Variants in KSR2 observed in about 807,000 individuals in gnomAD.
KSR2 encodes kinase suppressor of ras 2.
In KSR2, 25 loss-of-function variants were observed where a neutral mutation model predicts 107.8. That is an observed-to-expected ratio of 0.23 (90% CI 0.17 to 0.32). The LOEUF (loss-of-function observed/expected upper bound fraction) is 0.32. Among genes scored for constraint, KSR2 ranks in the 10% least tolerant of loss-of-function variants. The pLI, the probability that KSR2 is intolerant of heterozygous loss-of-function variation, is 1.00. For missense variants in KSR2, 887 were observed against 1,268.9 expected, an observed-to-expected ratio of 0.70 and a Z score of 4.57; for synonymous variants, 480 against 507.0, an observed-to-expected ratio of 0.95 and a Z score of 0.71.
intron 5 of KSR2, among the ~76,000 whole-genome samples, chr12:117,586,041 G>A (rs913919752): frequency 4.6e-5 from 7 of 152,180 alleles, no homozygotes; most frequent in African/African-American, 9.7e-5. Context: ...CAGGAACCCT[G>A]GTCTTTGGAA....
chr12:117,763,984 G>A (rs1889138031), intron 3 of KSR2, among the ~76,000 whole-genome samples: 1 of 152,094 alleles, frequency 6.6e-6, no homozygotes, highest in South Asian at 2.1e-4. Flanking sequence ...ATTCCTAGCT[G>A]ACTAGCAATA....
At chr12:117,543,376 T>G (rs915177599) in intron 9 of KSR2, among the ~76,000 whole-genome samples, 14 of 152,218 alleles carry the variant, frequency 9.2e-5, no homozygotes, top group African/African-American at 2.9e-4. Context: ...GGCTAAGATA[T>G]TCAACATCTT....
In KSR2 at chr12:117,925,303, T is replaced by C. The variant is rs187432879; in HGVS notation, c.180+42773A>G. Among the ~76,000 whole-genome samples the C allele has an allele frequency of 1.9e-4, 29 of 152,062 alleles. No individual in the cohort carries two copies. The East Asian group carries it at 5.6e-3, about 29-fold the overall frequency. ...CATGCCCAGCTAAGTTTTGTATTTTTAGTGGAGATGGGGTTTCACCACGTT... is the reference window on the plus strand; with the variant it reads ...CATGCCCAGCTAAGTTTTGTATTTTCAGTGGAGATGGGGTTTCACCACGTT... On this transcript the variant is annotated intron_variant, in intron 1 of 19. Coordinates refer to ENST00000339824, the MANE Select transcript of KSR2 (RefSeq NM_173598.6).
At chr12:117,774,566 A>G (rs924515419) in intron 3 of KSR2, among the ~76,000 whole-genome samples, 9 of 152,234 alleles carry the variant, frequency 5.9e-5, no homozygotes, top group African/African-American at 2.2e-4. Context: ...TATGAGATTC[A>G]TGATTTTATT....
intron 5 of KSR2, among the ~76,000 whole-genome samples, chr12:117,627,099 C>T (rs988233830): frequency 4.0e-5 from 6 of 151,844 alleles, no homozygotes; most frequent in South Asian, 4.2e-4. Flanking sequence ...TGCGTCTTTA[C>T]ACGTGATATG....
At chr12:117,949,646 A>G (rs909448434) in intron 1 of KSR2, among the ~76,000 whole-genome samples, 24 of 152,244 alleles carry the variant, frequency 1.6e-4, no homozygotes, top group Non-Finnish European at 2.9e-5. Flanking sequence ...AAAGTCAAAA[A>G]TAAAAAAGTA....
chr12:117,604,271 GC>G (rs1881109349), intron 5 of KSR2, among the ~76,000 whole-genome samples: 2 of 152,214 alleles, frequency 1.3e-5, no homozygotes, highest in Non-Finnish European at 1.5e-5. Flanking sequence ...TCTGTTTCCA[GC>G]TTTTGACTGG....
At chr12:117,767,375 T>A (rs141729633) in intron 3 of KSR2, among the ~76,000 whole-genome samples, 19,413 of 149,870 alleles carry the variant, frequency 0.13, 2,246 homozygotes, top group African/African-American at 0.32. Flanking sequence ...AGGCGGAGGT[T>A]GCAGTGAGCC....
chr12:117,687,534 C>T (rs901318070), intron 4 of KSR2, among the ~76,000 whole-genome samples: 4 of 152,270 alleles, frequency 2.6e-5, no homozygotes, highest in Middle Eastern at 3.4e-3. Flanking sequence ...CAAATTGTCA[C>T]TTAACGTGTT....
intron 5 of KSR2, among the ~76,000 whole-genome samples, chr12:117,603,052 C>G (rs1368652538): frequency 1.3e-5 from 2 of 152,174 alleles, no homozygotes; most frequent in East Asian, 3.8e-4. Context: ...TCTTTTCCAT[C>G]CATCTCAATC....
rs117932715 is a variant in KSR2 at position 117,755,317 on chromosome 12, G to A, written c.986+5694C>T. ...TACAAATTGAAGGTTTGTGGCAACC[G>A]TGCATTGAGCAAGCCTCTCGCTGCC... On this transcript the variant is annotated intron_variant, in intron 4 of 19. Transcript: ENST00000339824. Among the ~76,000 whole-genome samples the A allele has an allele frequency of 3.9e-4, 59 of 152,312 alleles. No individual in the cohort carries two copies. The East Asian group carries it at 0.01, about 26-fold the overall frequency.
intron 4 of KSR2, among the ~76,000 whole-genome samples, chr12:117,714,352 TA>T (rs532526148): frequency 6.6e-6 from 1 of 151,418 alleles, no homozygotes. Context: ...AGAGCAGAGG[TA>T]AAAAAACCTT....
chr12:117,717,319 G>T (rs1002568132), intron 4 of KSR2, among the ~76,000 whole-genome samples: 3 of 152,120 alleles, frequency 2.0e-5, no homozygotes, highest in African/African-American at 7.2e-5. Context: ...TCAGGAGTTT[G>T]AGACCAGCCT....
At chr12:117,912,994 C>T (rs1170741185) in intron 1 of KSR2, among the ~76,000 whole-genome samples, 1 of 152,168 alleles carries the variant, frequency 6.6e-6, no homozygotes, top group Non-Finnish European at 1.5e-5. Context: ...TCCAAATTAA[C>T]CTTTTGATAT....
At position 117,761,648 on chromosome 12, in the gene KSR2, A is replaced by G. The variant is rs1314519762; in HGVS notation, c.473-124T>C. 18 of 881,398 alleles carry G rather than the reference A, an allele frequency of 2.0e-5. No individual in the cohort carries two copies. The South Asian group carries it at 2.3e-4, about 11-fold the overall frequency. 54.6% of individuals were successfully genotyped at this position (881,398 alleles called of 1,614,324 possible). A position where few individuals can be genotyped will look rare whatever the true frequency, so the allele number is the denominator to read the frequency against. ...GTGCCCATTACATCATGTGCATGTT[A>G]CACTATATACCTGTTACATCGTATG... On this transcript the variant is annotated intron_variant, in intron 3 of 19. Coordinates refer to ENST00000339824, the MANE Select transcript of KSR2 (RefSeq NM_173598.6).
At chr12:117,491,147 C>CAT (rs1872723261) in intron 14 of KSR2, among the ~76,000 whole-genome samples, 1 of 152,258 alleles carries the variant, frequency 6.6e-6, no homozygotes, top group South Asian at 2.1e-4. Context: ...TTAGATTCCA[C>CAT]ATATAAGTGA....
At chr12:117,515,770 A>C (rs1874659559) in intron 14 of KSR2, among the ~76,000 whole-genome samples, 1 of 152,124 alleles carries the variant, frequency 6.6e-6, no homozygotes, top group Non-Finnish European at 1.5e-5. Context: ...TACTAAAAAC[A>C]CAAAAATTAG....
chr12:117,483,797 C>T (rs544951226), intron 16 of KSR2, among the ~76,000 whole-genome samples: 1 of 152,096 alleles, frequency 6.6e-6, no homozygotes, highest in Non-Finnish European at 1.5e-5. Flanking sequence ...CAGCAGCTAC[C>T]CTTTGCGGAG....
rs4554974 is a variant in KSR2 at position 117,731,912 on chromosome 12, T to C, written c.986+29099A>G. 2.3e-4 allele frequency among the ~76,000 whole-genome samples: 29 copies of C among 127,088 alleles called. 1 individual carries two copies. In the East Asian group the frequency reaches 2.8e-3, roughly 12 times the overall value. 83.4% of individuals were successfully genotyped at this position (127,088 alleles called of 152,430 possible). ...ACAAACACTGCGGAAGGCCGCAGGG[T>C]CCTGTGCCTAGGAAAACTAGAGACC... On this transcript the variant is annotated intron_variant, in intron 4 of 19. Coordinates refer to ENST00000339824, the MANE Select transcript of KSR2 (RefSeq NM_173598.6).
Sources: gnomAD v4.1 joint callset for allele counts (sites outside exome capture counted in the v4.1 genomes callset) on GRCh38, gnomAD v4.1.1 for gene constraint, MANE v1.5 for transcripts, NCBI Gene and HGNC (gene_info 2026-07-23, HGNC 2026-07-21) for gene names.